Variants in MGAT4C observed in about 807,000 individuals in gnomAD.
The protein encoded by MGAT4C is MGAT4 family member C.
Under a neutral mutation model 40.1 loss-of-function variants are expected in MGAT4C, and 19 were observed. The ratio of observed to expected loss-of-function variants is 0.47; its 90% CI spans 0.33 to 0.70. The LOEUF (loss-of-function observed/expected upper bound fraction) is 0.70. Among genes scored for constraint, MGAT4C ranks in the 30% least tolerant of loss-of-function variants. The probability of loss-of-function intolerance (pLI) is 0.02; values close to 1 mark genes in which losing one functional copy is unlikely to be tolerated. For synonymous variants in MGAT4C, 181 were observed against 187.1 expected (o/e 0.97, Z 0.27); for missense variants, 491 against 563.2 (o/e 0.87, Z 1.30).
intron 1 of MGAT4C, among the ~76,000 whole-genome samples, chr12:86,757,792 C>T (rs1951331916): frequency 6.6e-6 from 1 of 152,154 alleles, no homozygotes; most frequent in Non-Finnish European, 1.5e-5. Context: ...GACCTCAAGG[C>T]ACTGAAAGAT....
chr12:86,330,325 C>T (rs1379946961), intron 4 of MGAT4C, among the ~76,000 whole-genome samples: 2 of 152,146 alleles, frequency 1.3e-5, no homozygotes, highest in East Asian at 1.9e-4. Flanking sequence ...TTCATTCCAC[C>T]CCATGGATAA....
chr12:86,684,486 A>T lies in MGAT4C; in HGVS notation c.-229+42723T>A, dbSNP rs188247921. 4.5e-3 allele frequency among the ~76,000 whole-genome samples: 687 copies of T among 152,336 alleles called. 8 individuals are homozygous for T. The highest frequency in any genetic ancestry group is 6.6e-3 in the Admixed American group (101 of 15,302). ...TTGCTCAGGTAAATAGTGCTGGAAT[A>T]AACATATGTGTGTATGTGTCTTTAT... On this transcript the variant is annotated intron_variant, in intron 2 of 7. Coordinates refer to the MGAT4C transcript ENST00000548651.
chr12:86,443,809 T>G (rs1218028497), intron 2 of MGAT4C, among the ~76,000 whole-genome samples: 1 of 152,116 alleles, frequency 6.6e-6, no homozygotes, highest in Non-Finnish European at 1.5e-5. Flanking sequence ...TTAGCCAGGA[T>G]GGTCTCAATC....
intron 2 of MGAT4C, among the ~76,000 whole-genome samples, chr12:86,725,730 T>A (rs1403070215): frequency 1.2e-4 from 19 of 152,006 alleles, no homozygotes; most frequent in Admixed American, 1.2e-3. Flanking sequence ...CTCAAAGGGC[T>A]AGGATTACAG....
At chr12:86,379,025 T>C (rs944458640) in intron 3 of MGAT4C, among the ~76,000 whole-genome samples, 1 of 152,158 alleles carries the variant, frequency 6.6e-6, no homozygotes, top group Non-Finnish European at 1.5e-5. Context: ...CTAAACATCA[T>C]ATTGTATTCC....
At chr12:86,796,378 T>C (rs1410157411) in intron 1 of MGAT4C, among the ~76,000 whole-genome samples, 2 of 151,936 alleles carry the variant, frequency 1.3e-5, no homozygotes, top group African/African-American at 4.8e-5. Context: ...CAAAGCAAGG[T>C]TCATATTCTA....
chr12:86,136,741 T>G (rs1393170395), intron 1 of MGAT4C, among the ~76,000 whole-genome samples: 1 of 152,130 alleles, frequency 6.6e-6, no homozygotes, highest in Non-Finnish European at 1.5e-5. Flanking sequence ...CGGTCCGGCA[T>G]GCAATAGCGT....
chr12:86,700,334 C>CTGTG (rs767616614), intron 2 of MGAT4C, among the ~76,000 whole-genome samples: 3 of 149,496 alleles, frequency 2.0e-5, no homozygotes, highest in South Asian at 4.2e-4. Flanking sequence ...GAGAGAGAGA[C>CTGTG]TGTGTGTGTG....
At chr12:86,627,679 CA>C (rs1442221733) in intron 2 of MGAT4C, among the ~76,000 whole-genome samples, 2 of 152,188 alleles carry the variant, frequency 1.3e-5, no homozygotes, top group Non-Finnish European at 1.5e-5. Flanking sequence ...AACTATCAAA[CA>C]GAAAGGAATA....
At chr12:86,614,521 CAT>C (rs1962386261) in intron 2 of MGAT4C, among the ~76,000 whole-genome samples, 1 of 152,036 alleles carries the variant, frequency 6.6e-6, no homozygotes, top group East Asian at 1.9e-4. Context: ...TGTGTGGTAA[CAT>C]GTCAATTTTA....
chr12:86,616,362 A>T (rs184027439), intron 2 of MGAT4C, among the ~76,000 whole-genome samples: 16 of 152,266 alleles, frequency 1.1e-4, no homozygotes, highest in African/African-American at 3.8e-4. Context: ...AACAACCCTT[A>T]AATCAATCTT....
rs540565602 is a variant in MGAT4C at position 86,632,030 on chromosome 12, A to G, written c.-229+95179T>C. On this transcript the variant is annotated intron_variant, in intron 2 of 7. Transcript: ENST00000548651. ...ATCTGACAAAGGGCTAGTGTCCAGA[A>G]TCTACAAAGAACTTAAACAAATTTA... Among the ~76,000 whole-genome samples the G allele has an allele frequency of 3.6e-4, 55 of 152,256 alleles. No individual in the cohort carries two copies. The Middle Eastern group carries it at 0.014, about 38-fold the overall frequency.
At chr12:86,430,836 G>C (rs994218695) in intron 3 of MGAT4C, among the ~76,000 whole-genome samples, 3 of 152,162 alleles carry the variant, frequency 2.0e-5, no homozygotes, top group African/African-American at 7.2e-5. Flanking sequence ...GAGGATTTGG[G>C]ACTCTTTGGG....
At chr12:86,016,959 G>T (rs570707461) in intron 2 of MGAT4C, among the ~76,000 whole-genome samples, 19 of 152,044 alleles carry the variant, frequency 1.2e-4, no homozygotes, top group African/African-American at 4.6e-4. Context: ...TATTACTGAT[G>T]CCTCTGAAGC....
chr12:86,247,827 G>A (rs887745835), intron 1 of MGAT4C, among the ~76,000 whole-genome samples: 1 of 152,124 alleles, frequency 6.6e-6, no homozygotes. Flanking sequence ...TATCCTGTAC[G>A]TAATGGAAGG....
chr12:86,695,746 G>A (rs1371709501), intron 2 of MGAT4C, among the ~76,000 whole-genome samples: 1 of 152,058 alleles, frequency 6.6e-6, no homozygotes, highest in Non-Finnish European at 1.5e-5. Context: ...TCGACACAGA[G>A]AGTAGAATGA....
chr12:86,794,660 A>G (rs1277501645), intron 1 of MGAT4C, among the ~76,000 whole-genome samples: 1 of 151,836 alleles, frequency 6.6e-6, no homozygotes, highest in African/African-American at 2.4e-5. Flanking sequence ...CTCCTTAAAT[A>G]CATGTTTGGA....
intron 2 of MGAT4C, among the ~76,000 whole-genome samples, chr12:86,004,910 TA>T (rs1447325473): frequency 6.6e-6 from 1 of 152,176 alleles, no homozygotes; most frequent in Non-Finnish European, 1.5e-5. Flanking sequence ...AGGCAGAAAC[TA>T]AATTCTAGGA....
In MGAT4C at chr12:86,582,229, C is replaced by T. The variant is rs139318199; in HGVS notation, c.-229+144980G>A. On this transcript the variant is annotated intron_variant, in intron 2 of 7. Transcript: ENST00000548651. The stretch of plus-strand genomic sequence containing the variant: ...TGTGTTGAGACAATTGTTGCATCTG[C>T]TGATAACAACAACAAAGTCTTCAGG... Among the ~76,000 whole-genome samples the T allele has an allele frequency of 3.0e-3, 453 of 151,532 alleles. 2 individuals carry two copies. The highest frequency in any genetic ancestry group is 0.01 in the African/African-American group (432 of 41,454).
Sources: gnomAD v4.1 joint callset for allele counts (sites outside exome capture counted in the v4.1 genomes callset) on GRCh38, gnomAD v4.1.1 for gene constraint, MANE v1.5 for transcripts, NCBI Gene and HGNC (gene_info 2026-07-23, HGNC 2026-07-21) for gene names.